WDHD1: variants seen among roughly 807,000 people sequenced by gnomAD.
WDHD1 encodes WD repeat and HMG-box DNA-binding protein 1.
Under a neutral mutation model 135.4 loss-of-function variants are expected in WDHD1, and 111 were observed. The observed-to-expected ratio is 0.82, with a 90% CI of 0.70 to 0.96. The LOEUF (loss-of-function observed/expected upper bound fraction) is 0.96, where lower values mean the gene tolerates loss of function less well. WDHD1 is among the 40% of genes least tolerant of loss of function. The pLI is 0.00. For missense variants in WDHD1, 1,351 were observed against 1,336.3 expected (o/e 1.01, Z -0.17); for synonymous variants, 434 against 439.0 (o/e 0.99, Z 0.14).
chr14:54,962,431 A>T, intron 21 of WDHD1, 67 bp downstream of exon 21: 1 of 1,213,222 alleles, frequency 8.2e-7, no homozygotes, highest in Non-Finnish European at 1.2e-6. Flanking sequence ...GTATTTGCGT[A>T]GATGTGTCAC....
chr14:55,021,037 G>C (rs2042337854), intron 2 of WDHD1, among the ~76,000 whole-genome samples: 1 of 152,146 alleles, frequency 6.6e-6, no homozygotes, highest in South Asian at 2.1e-4. Flanking sequence ...AGGTGGAAGA[G>C]GGGGAGGAAG....
At chr14:54,951,256 C>T (rs1267360102) in intron 24 of WDHD1, among the ~76,000 whole-genome samples, 2 of 151,120 alleles carry the variant, frequency 1.3e-5, no homozygotes, top group Admixed American at 6.6e-5. Flanking sequence ...GCTAGCAAGA[C>T]TAATAAAGAA....
At chr14:54,972,385 C>G (rs1444984360) in intron 16 of WDHD1, among the ~76,000 whole-genome samples, 1 of 151,172 alleles carries the variant, frequency 6.6e-6, no homozygotes, top group Non-Finnish European at 1.5e-5. Context: ...CGAGACCAGC[C>G]TGGCCAATGT....
At chr14:55,003,587 C>CTATACATATATA (rs1555371410) in intron 7 of WDHD1, among the ~76,000 whole-genome samples, 2 of 143,660 alleles carry the variant, frequency 1.4e-5, no homozygotes, top group African/African-American at 5.8e-5. Flanking sequence ...GAAAAACGAA[C>CTATACATATATA]TATATATATA....
At position 55,002,173 on chromosome 14, in the gene WDHD1, G is replaced by T; in HGVS notation, c.613C>A (p.Pro205Thr). 1 of 1,594,394 alleles carries T rather than the reference G, an allele frequency of 6.3e-7. No individual in the cohort carries two copies. The change falls in exon 8 of 26, where the codon CCT becomes ACT. Residue 205 changes from proline (P) to threonine (T), a missense_variant. Physicochemically the swap from Pro to Thr is conservative, Grantham distance 38 (BLOSUM62 -1). Coordinates refer to ENST00000360586, the MANE Select transcript of WDHD1 (RefSeq NM_007086.4). ...QPKSGKLLAI[P>T]VEKSVKLYRR... Reference sequence around the variant, plus strand: ...TATAGCTTAACAGATTTTTCCACAGGAATTGCCAGTAACTATTAGAAAAGA... The same window carrying T: ...TATAGCTTAACAGATTTTTCCACAGTAATTGCCAGTAACTATTAGAAAAGA...
At chr14:54,953,183 C>T (rs1472184384) in intron 24 of WDHD1, among the ~76,000 whole-genome samples, 1 of 152,136 alleles carries the variant, frequency 6.6e-6, no homozygotes, top group East Asian at 1.9e-4. Flanking sequence ...TCAGAGTGAA[C>T]AGGCAACCTA....
intron 16 of WDHD1, among the ~76,000 whole-genome samples, chr14:54,974,949 C>T (rs1211793816): frequency 6.6e-6 from 1 of 152,210 alleles, no homozygotes; most frequent in Non-Finnish European, 1.5e-5. Context: ...TTTGAGGGGA[C>T]TTTGCTCACA....
rs145785782 is a variant in WDHD1, at chr14:55,011,748, T to C, written c.190-1288A>G. On this transcript the variant is annotated intron_variant, in intron 3 of 25. Transcript: ENST00000360586. ...ATTTTTTTTACTTATTGTAAACTTA[T>C]TTTCAACTTATTATAAATATATTTT... Among the ~76,000 whole-genome samples the C allele has an allele frequency of 6.0e-3, 910 of 151,992 alleles. 10 individuals are homozygous for C. The highest frequency in any genetic ancestry group is 0.021 in the African/African-American group (856 of 41,468).
In WDHD1 at chr14:55,013,450, C is replaced by A. The variant is rs140179190; in HGVS notation, c.189+35G>T. 9,445 of 1,412,440 alleles carry A rather than the reference C, an allele frequency of 6.7e-3. 34 individuals carry two copies. The highest frequency in any genetic ancestry group is 7.6e-3 in the Non-Finnish European group (7,537 of 997,588). 87.5% of individuals were successfully genotyped at this position (1,412,440 alleles called of 1,614,324 possible). ...AAGCATAAAAATCACATGCCAGTATCATTTCATATCAATTGATATAACTGT... is the reference window on the plus strand; with the variant it reads ...AAGCATAAAAATCACATGCCAGTATAATTTCATATCAATTGATATAACTGT... On this transcript the variant is annotated intron_variant, in intron 3 of 25. Coordinates refer to ENST00000360586, the MANE Select transcript of WDHD1 (RefSeq NM_007086.4).
intron 3 of WDHD1, among the ~76,000 whole-genome samples, chr14:55,010,981 C>G (rs1595119948): frequency 6.6e-6 from 1 of 152,194 alleles, no homozygotes; most frequent in Admixed American, 6.5e-5. Flanking sequence ...ACCACCAGAA[C>G]CCAGAAGACA....
chr14:54,960,630 G>A (rs891534867), intron 21 of WDHD1, among the ~76,000 whole-genome samples: 3 of 150,630 alleles, frequency 2.0e-5, no homozygotes, highest in Non-Finnish European at 3.0e-5. Flanking sequence ...CTCCCGAGTA[G>A]CTGGGATTAC....
intron 2 of WDHD1, among the ~76,000 whole-genome samples, chr14:55,020,808 CAT>C (rs2042333212): frequency 6.6e-6 from 1 of 152,170 alleles, no homozygotes; most frequent in East Asian, 1.9e-4. Flanking sequence ...TTACTGATAA[CAT>C]AAACAATTAA....
chr14:54,947,185 C>G (rs749776537), intron 24 of WDHD1, among the ~76,000 whole-genome samples: 9 of 151,878 alleles, frequency 5.9e-5, no homozygotes, highest in Non-Finnish European at 1.2e-4. Flanking sequence ...ACTAAAAATA[C>G]AAAATTAGTC....
At chr14:54,946,860 G>A (rs750357463) in intron 24 of WDHD1, among the ~76,000 whole-genome samples, 3 of 151,602 alleles carry the variant, frequency 2.0e-5, no homozygotes, top group Non-Finnish European at 2.9e-5. Context: ...CCTGGCCAAC[G>A]TGGCAAACTC....
intron 18 of WDHD1, among the ~76,000 whole-genome samples, chr14:54,965,312 C>T (rs1386090267): frequency 6.6e-6 from 1 of 152,158 alleles, no homozygotes; most frequent in African/African-American, 2.4e-5. Context: ...GACACAAGCA[C>T]AGGAACTTTA....
In WDHD1 at chr14:55,013,194, C is replaced by CAAAAA. The variant is rs71448422; in HGVS notation, c.189+286_189+290dup. Among the ~76,000 whole-genome samples, 202 of 82,274 alleles carry CAAAAA rather than the reference C, an allele frequency of 2.5e-3. 4 individuals are homozygous for CAAAAA. The highest frequency in any genetic ancestry group is 5.5e-3 in the African/African-American group (106 of 19,308). The allele number at this position is 82,274 out of a possible 152,430, so 54.0% of individuals were successfully genotyped here. The stretch of plus-strand genomic sequence containing the variant: ...TGAGCAACATGGCAAGATCCCGTTT[C>CAAAAA]AAAAAAAAAAAAAAAAAAAAAAAAT... On this transcript the variant is annotated intron_variant, in intron 3 of 25. Transcript: ENST00000360586.
rs1190963130 is a variant in WDHD1 at position 54,941,737 on chromosome 14, CAAAT to C, written c.3190-51_3190-48del. On this transcript the variant is annotated intron_variant, in intron 25 of 25. Coordinates refer to ENST00000360586, the MANE Select transcript of WDHD1 (RefSeq NM_007086.4). ...AAAAGGAAAGATTTTTAGAAAATAACAAATAAGAAGTAAATGATTTATTTACTTT... is the reference window on the plus strand; with the variant it reads ...AAAAGGAAAGATTTTTAGAAAATAACAAGAAGTAAATGATTTATTTACTTT... 4 of 1,490,438 alleles carry C rather than the reference CAAAT, an allele frequency of 2.7e-6. No homozygotes were observed. The African/African-American group carries it at 5.6e-5, about 21-fold the overall frequency. The allele number at this position is 1,490,438 out of a possible 1,614,324, so 92.3% of individuals were successfully genotyped here.
chr14:55,005,317 C>A, intron 7 of WDHD1: 3 of 553,508 alleles, frequency 5.4e-6, no homozygotes, highest in South Asian at 4.2e-5. Flanking sequence ...TGGGATTAGT[C>A]ACCATAAGAA....
At chr14:54,956,984 C>A in intron 23 of WDHD1, 50 bp downstream of exon 23, 2 of 1,573,532 alleles carry the variant, frequency 1.3e-6, no homozygotes, top group Admixed American at 1.8e-5. Flanking sequence ...AAACTGAAGA[C>A]AAACAGATCC....
Sources: gnomAD v4.1 joint callset for allele counts (sites outside exome capture counted in the v4.1 genomes callset) on GRCh38, gnomAD v4.1.1 for gene constraint, MANE v1.5 for transcripts, NCBI Gene and HGNC (gene_info 2026-07-23, HGNC 2026-07-21) for gene names.